GPC6: variants seen among roughly 807,000 people sequenced by gnomAD.
The protein encoded by GPC6 is glypican 6.
GPC6 carries 14 observed loss-of-function variants against 55.2 expected under a neutral mutation model. The observed-to-expected ratio is 0.25, with a 90% CI of 0.17 to 0.40. The LOEUF is 0.40. Among genes scored for constraint, GPC6 ranks in the 10% least tolerant of loss-of-function variants. The probability of loss-of-function intolerance (pLI) is 1.00; values close to 1 mark genes in which losing one functional copy is unlikely to be tolerated. For synonymous variants in GPC6, 278 were observed against 259.6 expected, an observed-to-expected ratio of 1.07 and a Z score of -0.68; for missense variants, 641 against 708.5, an observed-to-expected ratio of 0.90 and a Z score of 1.08.
rs554614773 is a variant in GPC6, at chr13:93,846,479, T to C, written c.711+15934T>C. On this transcript the variant is annotated intron_variant, in intron 3 of 8. Transcript: ENST00000377047. Reference sequence around the variant, plus strand: ...TGCAAAACTCAATGGTCTATGGTAGTGCTATTCGACAGGAATATGATGTGA... The same window carrying C: ...TGCAAAACTCAATGGTCTATGGTAGCGCTATTCGACAGGAATATGATGTGA... Among the ~76,000 whole-genome samples the C allele has an allele frequency of 1.1e-4, 17 of 152,340 alleles. No homozygotes were observed. In the East Asian group the frequency reaches 3.3e-3, roughly 29 times the overall value.
At position 93,923,380 on chromosome 13, in the gene GPC6, G is replaced by A. The variant is rs997035975; in HGVS notation, c.711+92835G>A. 5.9e-5 allele frequency among the ~76,000 whole-genome samples: 9 copies of A among 151,946 alleles called. No individual in the cohort carries two copies. The South Asian group carries it at 8.3e-4, about 14-fold the overall frequency. ...CCACCTGCTGAGTGACAGATGATTC[G>A]GTGACTGGGTAAAACTTTGAATCTC... On this transcript the variant is annotated intron_variant, in intron 3 of 8. Transcript: ENST00000377047.
chr13:94,342,870 A>AGAGCAGCTGTCCAGGG (rs1318679581), intron 6 of GPC6, among the ~76,000 whole-genome samples: 15 of 152,152 alleles, frequency 9.9e-5, no homozygotes, highest in Non-Finnish European at 8.8e-5. Flanking sequence ...AATACTTCAA[A>AGAGCAGCTGTCCAGGG]GAGCAGCTGT....
At chr13:93,432,565 A>G (rs1387402669) in intron 1 of GPC6, among the ~76,000 whole-genome samples, 2 of 152,166 alleles carry the variant, frequency 1.3e-5, no homozygotes, top group Non-Finnish European at 2.9e-5. Context: ...ATGTGCTTCT[A>G]GAGAATGAAA....
intron 1 of GPC6, among the ~76,000 whole-genome samples, chr13:93,419,034 T>C (rs570308685): frequency 6.6e-6 from 1 of 150,826 alleles, no homozygotes; most frequent in South Asian, 2.1e-4. Flanking sequence ...CATAGTATTA[T>C]TTTATTAATA....
At chr13:93,673,925 T>G (rs1346590692) in intron 2 of GPC6, among the ~76,000 whole-genome samples, 1 of 152,178 alleles carries the variant, frequency 6.6e-6, no homozygotes, top group Admixed American at 6.6e-5. Flanking sequence ...CCATGTTTTA[T>G]GTAAGCATTT....
At chr13:93,657,237 G>C (rs1444005554) in intron 2 of GPC6, among the ~76,000 whole-genome samples, 2 of 151,986 alleles carry the variant, frequency 1.3e-5, no homozygotes, top group Admixed American at 6.6e-5. Context: ...GCATGGTACT[G>C]GTTCAAAAAA....
intron 2 of GPC6, among the ~76,000 whole-genome samples, chr13:93,601,205 G>A (rs1878002493): frequency 6.6e-6 from 1 of 151,786 alleles, no homozygotes; most frequent in African/African-American, 2.4e-5. Context: ...CCAACATAGA[G>A]AAACCTCGTC....
intron 1 of GPC6, among the ~76,000 whole-genome samples, chr13:93,373,396 T>C (rs939979666): frequency 1.3e-5 from 2 of 152,202 alleles, no homozygotes; most frequent in Non-Finnish European, 2.9e-5. Context: ...TGTTTGACAT[T>C]GTTGCTAAAC....
At chr13:93,424,204 G>A (rs766743123) in intron 1 of GPC6, among the ~76,000 whole-genome samples, 8 of 152,184 alleles carry the variant, frequency 5.3e-5, no homozygotes, top group African/African-American at 9.7e-5. Context: ...GTTGCCACGA[G>A]GCCCTCAGCT....
intron 5 of GPC6, among the ~76,000 whole-genome samples, chr13:94,292,600 A>G (rs1594138761): frequency 6.6e-6 from 1 of 152,072 alleles, no homozygotes; most frequent in East Asian, 1.9e-4. Flanking sequence ...TCTCTTATGT[A>G]TCTTTTTTCT....
At chr13:94,149,847 C>T (rs1204324579) in intron 4 of GPC6, among the ~76,000 whole-genome samples, 1 of 151,960 alleles carries the variant, frequency 6.6e-6, no homozygotes, top group East Asian at 1.9e-4. Context: ...ACACTTCGCA[C>T]GTTCTATCTC....
chr13:94,226,767 A>G (rs1214100528), intron 4 of GPC6, among the ~76,000 whole-genome samples: 1 of 152,162 alleles, frequency 6.6e-6, no homozygotes, highest in Non-Finnish European at 1.5e-5. Flanking sequence ...AACAATAAAT[A>G]AATCAGCAAG....
chr13:93,498,761 A>G (rs1425546718), intron 1 of GPC6, among the ~76,000 whole-genome samples: 1 of 152,194 alleles, frequency 6.6e-6, no homozygotes, highest in East Asian at 1.9e-4. Context: ...ATTAAAATGA[A>G]CTAATATATT....
intron 4 of GPC6, among the ~76,000 whole-genome samples, chr13:94,173,602 A>G (rs1169610951): frequency 6.6e-6 from 1 of 152,216 alleles, no homozygotes; most frequent in Non-Finnish European, 1.5e-5. Context: ...GTGATTTTCC[A>G]GTTCTAGAAA....
intron 6 of GPC6, among the ~76,000 whole-genome samples, chr13:94,346,715 C>T (rs1218226776): frequency 7.5e-6 from 1 of 134,006 alleles, no homozygotes; most frequent in Admixed American, 7.6e-5. Flanking sequence ...AGCAAGACTC[C>T]TCTCAAAAAA....
At chr13:93,262,712 C>A (rs142352502) in intron 1 of GPC6, among the ~76,000 whole-genome samples, 2 of 152,100 alleles carry the variant, frequency 1.3e-5, no homozygotes, top group African/African-American at 4.8e-5. Flanking sequence ...CTCAGTTTCC[C>A]CCCACACCCC....
intron 1 of GPC6, among the ~76,000 whole-genome samples, chr13:93,373,114 A>G (rs1359200): frequency 0.42 from 64,160 of 151,992 alleles, 15,152 homozygotes; most frequent in Non-Finnish European, 0.56. Flanking sequence ...CCTATCAAAC[A>G]ATCGTATTCA....
chr13:93,299,729 A>C (rs1878610737), intron 1 of GPC6, among the ~76,000 whole-genome samples: 1 of 152,216 alleles, frequency 6.6e-6, no homozygotes, highest in East Asian at 1.9e-4. Flanking sequence ...CACTTGTAGA[A>C]AATTTGTAAA....
intron 3 of GPC6, among the ~76,000 whole-genome samples, chr13:93,845,641 T>C (rs2139004075): frequency 7.0e-6 from 1 of 143,320 alleles, no homozygotes; most frequent in South Asian, 2.3e-4. Flanking sequence ...CACCATGGAA[T>C]ACTATGCAGC....
Sources: gnomAD v4.1 joint callset for allele counts (sites outside exome capture counted in the v4.1 genomes callset) on GRCh38, gnomAD v4.1.1 for gene constraint, MANE v1.5 for transcripts, NCBI Gene and HGNC (gene_info 2026-07-23, HGNC 2026-07-21) for gene names.